DPP10: variants seen among roughly 807,000 people sequenced by gnomAD.
DPP10 encodes dipeptidyl peptidase like 10.
Under a neutral mutation model 120.9 loss-of-function variants are expected in DPP10, and 33 were observed. The observed-to-expected ratio is 0.27, with a 90% CI of 0.21 to 0.37. The LOEUF is 0.37. Among genes scored for constraint, DPP10 ranks in the 10% least tolerant of loss-of-function variants. The pLI is 1.00. For synonymous variants in DPP10, 337 were observed against 326.1 expected, an observed-to-expected ratio of 1.03 and a Z score of -0.36; for missense variants, 816 against 942.8, an observed-to-expected ratio of 0.87 and a Z score of 1.76.
At chr2:114,779,242 A>T (rs1682050164) in intron 1 of DPP10, among the ~76,000 whole-genome samples, 1 of 152,138 alleles carries the variant, frequency 6.6e-6, no homozygotes, top group Non-Finnish European at 1.5e-5. Context: ...CATCTGAACG[A>T]AGAGGTTTGT....
At chr2:114,590,934 G>A (rs1385619214) in intron 1 of DPP10, among the ~76,000 whole-genome samples, 2 of 152,100 alleles carry the variant, frequency 1.3e-5, no homozygotes, top group Non-Finnish European at 2.9e-5. Flanking sequence ...GAGCCTATAA[G>A]GGCCATCTCT....
At chr2:115,792,488 TTTCTAA>T (rs1444621823) in intron 19 of DPP10, among the ~76,000 whole-genome samples, 5 of 152,228 alleles carry the variant, frequency 3.3e-5, no homozygotes, top group South Asian at 2.1e-4. Context: ...CTAGTGTTCA[TTTCTAA>T]TTCTAATTAT....
chr2:115,626,681 G>A (rs557177031), intron 5 of DPP10, among the ~76,000 whole-genome samples: 1 of 152,120 alleles, frequency 6.6e-6, no homozygotes, highest in Non-Finnish European at 1.5e-5. Flanking sequence ...GGTATGTGTG[G>A]AAGAATGCTT....
intron 1 of DPP10, among the ~76,000 whole-genome samples, chr2:114,965,550 T>A (rs530801816): frequency 7.6e-4 from 115 of 152,236 alleles, no homozygotes; most frequent in African/African-American, 2.7e-3. Flanking sequence ...AATTCATAAA[T>A]GTAGGCATTG....
intron 4 of DPP10, 41 bp downstream of exon 4, chr2:115,499,645 T>A: frequency 6.8e-7 from 1 of 1,477,778 alleles, no homozygotes. Flanking sequence ...ATTTCAGTAC[T>A]GTTTAGAAAG....
chr2:115,811,190 T>G (rs985484281), intron 19 of DPP10, among the ~76,000 whole-genome samples: 3 of 152,156 alleles, frequency 2.0e-5, no homozygotes, highest in East Asian at 1.9e-4. Flanking sequence ...GAAATAGATA[T>G]GCCTATATTG....
At chr2:115,492,181 T>C (rs1175334763) in intron 3 of DPP10, among the ~76,000 whole-genome samples, 2 of 152,180 alleles carry the variant, frequency 1.3e-5, no homozygotes, top group African/African-American at 4.8e-5. Context: ...TAGTACATAC[T>C]CTAAAAGCTG....
chr2:115,641,933 C>T (rs1287963033), intron 5 of DPP10, among the ~76,000 whole-genome samples: 2 of 152,144 alleles, frequency 1.3e-5, no homozygotes, highest in East Asian at 1.9e-4. Flanking sequence ...GGACTTGGAA[C>T]CAACTTCTGC....
At chr2:115,568,745 C>A (rs1416666940) in intron 5 of DPP10, among the ~76,000 whole-genome samples, 2 of 152,086 alleles carry the variant, frequency 1.3e-5, no homozygotes, top group Non-Finnish European at 2.9e-5. Flanking sequence ...TTCGCCCAGG[C>A]TAAGCTGTCA....
intron 1 of DPP10, among the ~76,000 whole-genome samples, chr2:114,839,577 T>G (rs1687996641): frequency 6.6e-6 from 1 of 152,238 alleles, no homozygotes; most frequent in Non-Finnish European, 1.5e-5. Context: ...TTCTACTTTG[T>G]GTCTTCCAAG....
chr2:115,343,084 A>G (rs1319787736), intron 2 of DPP10, among the ~76,000 whole-genome samples: 2 of 152,222 alleles, frequency 1.3e-5, no homozygotes, highest in Admixed American at 1.3e-4. Context: ...AGAAAATGCA[A>G]TATTCCTGTC....
At chr2:114,716,214 A>G (rs2105886965) in intron 1 of DPP10, among the ~76,000 whole-genome samples, 1 of 152,324 alleles carries the variant, frequency 6.6e-6, no homozygotes, top group Middle Eastern at 3.4e-3. Flanking sequence ...AAAAAATGAA[A>G]TAAATTAGTA....
intron 1 of DPP10, among the ~76,000 whole-genome samples, chr2:114,780,128 T>G (rs972633182): frequency 2.0e-5 from 3 of 151,342 alleles, no homozygotes; most frequent in Admixed American, 2.0e-4. Flanking sequence ...AAAGCGAGAC[T>G]GCGTCTCAAA....
intron 1 of DPP10, among the ~76,000 whole-genome samples, chr2:114,805,612 G>A (rs1178897354): frequency 6.6e-6 from 1 of 152,124 alleles, no homozygotes; most frequent in African/African-American, 2.4e-5. Context: ...AAATCTCAGT[G>A]GCTTAAAACC....
intron 1 of DPP10, among the ~76,000 whole-genome samples, chr2:114,961,831 G>A (rs1299468355): frequency 6.6e-6 from 1 of 152,114 alleles, no homozygotes; most frequent in Non-Finnish European, 1.5e-5. Context: ...GCGAGCACCT[G>A]TAATCCCAGC....
intron 1 of DPP10, among the ~76,000 whole-genome samples, chr2:114,650,791 C>G (rs898892784): frequency 1.3e-5 from 2 of 152,140 alleles, no homozygotes; most frequent in Non-Finnish European, 2.9e-5. Flanking sequence ...AGTCCTCCAT[C>G]CCCACATCCT....
chr2:115,382,650 A>G (rs2066491516), intron 3 of DPP10, among the ~76,000 whole-genome samples: 1 of 152,128 alleles, frequency 6.6e-6, no homozygotes, highest in Non-Finnish European at 1.5e-5. Flanking sequence ...GCTTTTAATG[A>G]AGGAGAGGTA....
At chr2:114,834,083 C>CCATATCTACGCACCTATGTATATATAAGA (rs1687390797) in intron 1 of DPP10, 5 of 149,876 alleles carry the variant, frequency 3.3e-5, no homozygotes, top group African/African-American at 9.8e-5. Flanking sequence ...TATATATAAG[C>CCATATCTACGCACCTATGTATATATAAGA]CATATCTACG....
chr2:115,035,565 C>T (rs945945438), intron 1 of DPP10, among the ~76,000 whole-genome samples: 2 of 152,122 alleles, frequency 1.3e-5, no homozygotes, highest in Admixed American at 6.5e-5. Flanking sequence ...TGAAGTAAAA[C>T]AATTCTTACA....
Sources: gnomAD v4.1 joint callset for allele counts (sites outside exome capture counted in the v4.1 genomes callset) on GRCh38, gnomAD v4.1.1 for gene constraint, MANE v1.5 for transcripts, NCBI Gene and HGNC (gene_info 2026-07-23, HGNC 2026-07-21) for gene names.